PPP1R1C: variants seen among roughly 807,000 people sequenced by gnomAD.
PPP1R1C encodes protein phosphatase 1 regulatory inhibitor subunit 1C, also known as protein phosphatase 1 regulatory subunit 1C.
In PPP1R1C, 15 loss-of-function variants were observed where a neutral mutation model predicts 17.4. That is an observed-to-expected ratio of 0.86 (90% CI 0.58 to 1.33). The LOEUF is 1.33. PPP1R1C is among the 40% of genes most tolerant of loss of function. PPP1R1C has a pLI of 0.00. For missense variants in PPP1R1C, 143 were observed against 130.0 expected (o/e 1.10, Z -0.48); for synonymous variants, 35 against 43.1 (o/e 0.81, Z 0.73).
At chr2:182,129,021 G>C (rs2125244380) in exon 6 of PPP1R1C, 1 of 152,178 alleles carries the variant, frequency 6.6e-6, no homozygotes, top group East Asian at 1.9e-4. Context: ...TTAGTGCTGT[G>C]CTTCTACTCG....
intron 4 of PPP1R1C, 92 bp from the exon 5 acceptor site, chr2:182,117,115 C>T (rs1689606856): frequency 4.5e-6 from 4 of 886,540 alleles, no homozygotes; most frequent in Admixed American, 2.6e-5. Flanking sequence ...CAAATGAAAA[C>T]TTTGCACTCT....
In PPP1R1C at chr2:182,046,454, G is replaced by A. The variant is rs1001599239; in HGVS notation, c.143-14988G>A. Among the ~76,000 whole-genome samples, 34 of 151,762 alleles carry A rather than the reference G, an allele frequency of 2.2e-4. 1 individual carries two copies. The highest frequency in any genetic ancestry group is 7.7e-4 in the East Asian group (4 of 5,162). ...AATTATTAACTAGCAATTCAAAGGCGAAGTGGCTCATGCCTGTAATCCCAG... is the reference window on the plus strand; with the variant it reads ...AATTATTAACTAGCAATTCAAAGGCAAAGTGGCTCATGCCTGTAATCCCAG... On this transcript the variant is annotated intron_variant, in intron 2 of 4. Coordinates refer to ENST00000682840, the MANE Select transcript of PPP1R1C (RefSeq NM_001080545.3).
At chr2:182,005,611 G>T (rs769204449) in intron 2 of PPP1R1C, among the ~76,000 whole-genome samples, 40 of 152,120 alleles carry the variant, frequency 2.6e-4, no homozygotes, top group Non-Finnish European at 4.9e-4. Flanking sequence ...GTAACTAGGG[G>T]CATCTGTTAT....
At chr2:182,068,436 A>G (rs546505418) in intron 4 of PPP1R1C, among the ~76,000 whole-genome samples, 40 of 152,328 alleles carry the variant, frequency 2.6e-4, no homozygotes, top group African/African-American at 9.4e-4. Context: ...AGAATAAAAT[A>G]GCTTTGTTTT....
At chr2:181,977,026 TAC>T (rs1026060699) in intron 2 of PPP1R1C, among the ~76,000 whole-genome samples, 10 of 150,898 alleles carry the variant, frequency 6.6e-5, no homozygotes, top group African/African-American at 2.4e-4. Context: ...TAATCCCAGC[TAC>T]CTGGAGGCTG....
At chr2:182,127,766 G>C (rs569339043) in intron 5 of PPP1R1C, among the ~76,000 whole-genome samples, 1 of 152,136 alleles carries the variant, frequency 6.6e-6, no homozygotes, top group East Asian at 1.9e-4. Context: ...AGCTAAATTA[G>C]GGTTCTCATA....
chr2:181,969,551 CT>C (rs1380436888), intron 1 of PPP1R1C, among the ~76,000 whole-genome samples: 1 of 151,976 alleles, frequency 6.6e-6, no homozygotes, highest in Non-Finnish European at 1.5e-5. Flanking sequence ...TATCCTAGAC[CT>C]TTGGGAGTTT....
chr2:182,055,749 C>T (rs546567414), intron 2 of PPP1R1C, among the ~76,000 whole-genome samples: 9 of 152,260 alleles, frequency 5.9e-5, no homozygotes, highest in Admixed American at 3.3e-4. Context: ...TCTTCTTCAT[C>T]TCTTTGTAAG....
At chr2:182,036,991 A>G (rs1687028923) in intron 2 of PPP1R1C, among the ~76,000 whole-genome samples, 1 of 151,764 alleles carries the variant, frequency 6.6e-6, no homozygotes, top group South Asian at 2.1e-4. Context: ...TGAATTTCAA[A>G]GAGAGAGTGG....
At chr2:182,086,895 C>A (rs554321188) in intron 4 of PPP1R1C, among the ~76,000 whole-genome samples, 9 of 151,980 alleles carry the variant, frequency 5.9e-5, no homozygotes, top group African/African-American at 1.9e-4. Flanking sequence ...TTTCTTCTGT[C>A]CCCTACCAGT....
intron 4 of PPP1R1C, among the ~76,000 whole-genome samples, chr2:182,098,179 C>T (rs6748404): frequency 0.27 from 41,044 of 151,966 alleles, 6,535 homozygotes; most frequent in African/African-American, 0.45. Context: ...CAAATGTAGG[C>T]CTTTCCTTCT....
intron 4 of PPP1R1C, among the ~76,000 whole-genome samples, chr2:182,078,509 T>C (rs1446159647): frequency 6.6e-6 from 1 of 152,062 alleles, no homozygotes; most frequent in African/African-American, 2.4e-5. Flanking sequence ...TATGAAGGAG[T>C]GGCAAATGAA....
At chr2:182,051,242 A>G (rs142789115) in intron 2 of PPP1R1C, among the ~76,000 whole-genome samples, 125 of 152,340 alleles carry the variant, frequency 8.2e-4, no homozygotes, top group African/African-American at 2.9e-3. Flanking sequence ...GCCTCCTGAA[A>G]GATAGAAGAA....
At chr2:182,020,589 G>A (rs550483743) in intron 2 of PPP1R1C, among the ~76,000 whole-genome samples, 3 of 152,276 alleles carry the variant, frequency 2.0e-5, no homozygotes, top group East Asian at 3.9e-4. Context: ...TCAACATGAA[G>A]TTTCTTCTAA....
At chr2:182,053,937 C>T (rs1016708640) in intron 2 of PPP1R1C, among the ~76,000 whole-genome samples, 8 of 151,988 alleles carry the variant, frequency 5.3e-5, no homozygotes, top group African/African-American at 1.7e-4. Context: ...CCTGCCATCA[C>T]GCCCGGCTAA....
chr2:182,050,298 C>T (rs1344938493), intron 2 of PPP1R1C, among the ~76,000 whole-genome samples: 1 of 152,192 alleles, frequency 6.6e-6, no homozygotes, highest in African/African-American at 2.4e-5. Context: ...GGCTGTGTCT[C>T]TGATGCTAAT....
At chr2:182,060,893 C>G (rs554694369) in intron 2 of PPP1R1C, among the ~76,000 whole-genome samples, 1 of 152,084 alleles carries the variant, frequency 6.6e-6, no homozygotes, top group Admixed American at 6.6e-5. Flanking sequence ...TCCTCACAAC[C>G]CTTCATACAC....
Position 181,998,534 on chromosome 2 carries a change from T to C in PPP1R1C, c.142+10635T>C, listed in dbSNP as rs185139244. Among the ~76,000 whole-genome samples, 25 of 152,314 alleles carry C rather than the reference T, an allele frequency of 1.6e-4. No individual in the cohort carries two copies. The East Asian group carries it at 4.8e-3, about 29-fold the overall frequency. On this transcript the variant is annotated intron_variant, in intron 2 of 4. Coordinates refer to ENST00000682840, the MANE Select transcript of PPP1R1C (RefSeq NM_001080545.3). ...TGAATAAGTCAGCCATTATAGAATC[T>C]TATTACACAAATTGTTGACAACTGC...
chr2:181,958,902 G>A (rs1684713630), intron 1 of PPP1R1C, among the ~76,000 whole-genome samples: 1 of 152,070 alleles, frequency 6.6e-6, no homozygotes, highest in African/African-American at 2.4e-5. Flanking sequence ...TCCAATTTGG[G>A]GCTATTATGA....
Sources: gnomAD v4.1 joint callset for allele counts (sites outside exome capture counted in the v4.1 genomes callset) on GRCh38, gnomAD v4.1.1 for gene constraint, MANE v1.5 for transcripts, NCBI Gene and HGNC (gene_info 2026-07-23, HGNC 2026-07-21) for gene names.